Variants in ARID3A observed in about 807,000 individuals in gnomAD.
The protein encoded by ARID3A is AT-rich interaction domain 3A, also known as AT-rich interactive domain-containing protein 3A.
ARID3A carries 11 observed loss-of-function variants against 52.7 expected under a neutral mutation model. That is an observed-to-expected ratio of 0.21 (90% CI 0.13 to 0.35). The LOEUF is 0.35. ARID3A is among the 10% of genes least tolerant of loss of function. The pLI is 1.00. For missense variants in ARID3A, 721 were observed against 838.5 expected (o/e 0.86, Z 1.73); for synonymous variants, 404 against 359.4 (o/e 1.12, Z -1.40).
chr19:972,025 C>T lies in ARID3A; in HGVS notation c.1742C>T (p.Ser581Phe). 2 of 1,590,714 alleles carry T rather than the reference C, an allele frequency of 1.3e-6. No individual in the cohort carries two copies. The highest frequency in any genetic ancestry group is 1.7e-6 in the Non-Finnish European group (2 of 1,170,118). ...GGCCAGGCTGGGCCAGCGGGGCTGT[C>T]CACACCCTCCACATCTACCTCAAAT... is the stretch of plus-strand genomic sequence containing the variant. ...SGGQAGPAGLSTPSTSTSNNS... is the reference protein window; with the variant it reads ...SGGQAGPAGLFTPSTSTSNNS... Residue 581 changes from serine to phenylalanine, a missense_variant, in exon 9 of 9, where the codon TCC (serine) becomes TTC (phenylalanine). Ser to Phe is a radical substitution (Grantham distance 155). This residue lies in a region of ARID3A where 297 missense variants were observed against 343.2 expected (regional missense o/e 0.87). Transcript: ENST00000263620.
chr19:952,441 CAAAAAAA>C (rs10663796), intron 3 of ARID3A, among the ~76,000 whole-genome samples: 1,383 of 59,756 alleles, frequency 0.023, 32 homozygotes, highest in African/African-American at 0.08. Flanking sequence ...GACCCTGTCT[CAAAAAAA>C]AAAAAAAAAA....
chr19:956,217 C>T (rs1033770221), intron 3 of ARID3A, among the ~76,000 whole-genome samples: 5 of 152,204 alleles, frequency 3.3e-5, no homozygotes, highest in East Asian at 1.9e-4. Flanking sequence ...TACCTGCTGC[C>T]TCAGGCGTTT....
At chr19:966,967 GA>G (rs397783817) in intron 7 of ARID3A, 99 bp downstream of exon 7, 40 of 1,171,324 alleles carry the variant, frequency 3.4e-5, no homozygotes, top group Admixed American at 9.6e-5. Context: ...AAATCAATAA[GA>G]AAAAAAAAGC....
At chr19:953,326 G>T (rs748805642) in intron 3 of ARID3A, among the ~76,000 whole-genome samples, 1 of 152,140 alleles carries the variant, frequency 6.6e-6, no homozygotes, top group Non-Finnish European at 1.5e-5. Context: ...CAGGGCTGGG[G>T]GGTGGCGGTT....
At chr19:949,933 A>C (rs1369576127) in intron 3 of ARID3A, among the ~76,000 whole-genome samples, 1 of 152,250 alleles carries the variant, frequency 6.6e-6, no homozygotes, top group Non-Finnish European at 1.5e-5. Flanking sequence ...GGCCTCCCAA[A>C]GTGCTGGGAT....
At chr19:953,476 C>T (rs899347294) in intron 3 of ARID3A, among the ~76,000 whole-genome samples, 1 of 125,166 alleles carries the variant, frequency 8.0e-6, no homozygotes, top group East Asian at 2.2e-4. Flanking sequence ...GCCTCCCACA[C>T]CCCCCCCCGT....
chr19:938,709 G>A lies in ARID3A; in HGVS notation c.693+5967G>A, dbSNP rs907035196. On this transcript the variant is annotated intron_variant, in intron 3 of 8. Coordinates refer to ENST00000263620, the MANE Select transcript of ARID3A (RefSeq NM_005224.3). The surrounding 1 kb of genome is among the most constrained non-coding windows in gnomAD (Gnocchi z 4.0). ...CGTGTGTGGGCACTGGGGCAGGGAC[G>A]GCCACCAGCAGCCTCTCAGGCTCAA... is the stretch of plus-strand genomic sequence containing the variant. Among the ~76,000 whole-genome samples the A allele has an allele frequency of 6.6e-6, 1 of 152,126 alleles. No individual in the cohort carries two copies. Among genetic ancestry groups the A allele is most frequent in the African/African-American group, 2.4e-5 (1 of 41,416 alleles).
intron 3 of ARID3A, among the ~76,000 whole-genome samples, chr19:958,815 C>T (rs940338164): frequency 1.1e-4 from 16 of 152,182 alleles, no homozygotes; most frequent in African/African-American, 3.6e-4. Flanking sequence ...ATGGAGTGAA[C>T]CCGGGAGGCG....
Position 932,756 on chromosome 19 carries a change from T to G in ARID3A, c.693+14T>G, listed in dbSNP as rs1240498205. The G allele has an allele frequency of 6.5e-7, 1 of 1,546,444 alleles. No homozygotes were observed. Among genetic ancestry groups the G allele is most frequent in the East Asian group, 2.5e-5 (1 of 40,776 alleles). On this transcript the variant is annotated intron_variant, in intron 3 of 8. Transcript: ENST00000263620. ...CAGTTTAAGCAGGTGAGTGGGCGCG[T>G]CCCGCGTGGCGGCTGAGGCACCTGC...
chr19:927,740 C>A (rs1414163135), intron 1 of ARID3A, among the ~76,000 whole-genome samples: 2 of 152,118 alleles, frequency 1.3e-5, no homozygotes, highest in South Asian at 2.1e-4. Context: ...CTGGGTGCCG[C>A]CCTGGTGGCC....
intron 2 of ARID3A, among the ~76,000 whole-genome samples, chr19:932,153 C>T (rs756343960): frequency 4.6e-5 from 7 of 152,202 alleles, no homozygotes; most frequent in Admixed American, 1.3e-4. Flanking sequence ...TGTGCGCCAC[C>T]GTGGCTGCCT....
chr19:929,788 G>C lies in ARID3A; in HGVS notation c.260G>C (p.Gly87Ala). Residue 87 changes from glycine (G) to alanine (A), a missense_variant, in exon 2 of 9, where the codon GGC becomes GCC. Physicochemically the swap from Gly to Ala is moderately conservative, Grantham distance 60 (BLOSUM62 0). Transcript: ENST00000263620. This position sits in a 1 kb window ranked among gnomAD's most constrained non-coding sequence, Gnocchi z 6.2. ...SPGGSEDGPP[G>A]SEEEDAAREG... ...GGCGGCTCTGAGGATGGGCCCCCAG[G>C]CTCGGAGGAGGAGGACGCGGCCCGG... 1 of 1,549,526 alleles carries C rather than the reference G, an allele frequency of 6.5e-7. No homozygotes were observed. Among genetic ancestry groups the C allele is most frequent in the African/African-American group, 1.4e-5 (1 of 73,692 alleles).
chr19:927,507 G>C (rs1188607713), intron 1 of ARID3A, among the ~76,000 whole-genome samples: 1 of 152,010 alleles, frequency 6.6e-6, no homozygotes, highest in Admixed American at 6.5e-5. Flanking sequence ...GCAGGGCTCG[G>C]AGCGGGCTGG....
intron 3 of ARID3A, among the ~76,000 whole-genome samples, chr19:958,455 AAAAG>A (rs1285282541): frequency 6.6e-6 from 1 of 151,806 alleles, no homozygotes; most frequent in African/African-American, 2.4e-5. Context: ...AGAAGAAAGA[AAAAG>A]AAAAGAAGAG....
In ARID3A at chr19:972,068, G is replaced by T. The variant is rs372795322; in HGVS notation, c.*3G>T. On this transcript the variant is annotated 3_prime_UTR_variant, in exon 9 of 9. Transcript: ENST00000263620. ...CCTCAAATAACTCGTTGCCTTAACC[G>T]CATCACTCCCCACCCGCCACCCACC... 36 of 1,527,428 alleles carry T rather than the reference G, an allele frequency of 2.4e-5. No individual in the cohort carries two copies. Among genetic ancestry groups the T allele is most frequent in the African/African-American group, 2.8e-5 (2 of 70,226 alleles). The allele number at this position is 1,527,428 out of a possible 1,614,324, so 94.6% of individuals were successfully genotyped here. A position where few individuals can be genotyped will look rare whatever the true frequency, so the allele number is the denominator to read the frequency against.
rs1026876514 is a variant in ARID3A, at chr19:975,560, GTGGGAACCACGCC to G, written c.*3498_*3510del. ...GTTTCTCTGGAGTTTGTCAGACGGCGTGGGAACCACGCCTGAAACTCAGGTAATAGGAGGAAAA... is the reference window on the plus strand; with the variant it reads ...GTTTCTCTGGAGTTTGTCAGACGGCGTGAAACTCAGGTAATAGGAGGAAAA... On this transcript the variant is annotated 3_prime_UTR_variant, in exon 9 of 9. Transcript: ENST00000263620. The G allele has an allele frequency of 4.7e-6, 1 of 211,708 alleles. No individual in the cohort carries two copies. Among genetic ancestry groups the G allele is most frequent in the Non-Finnish European group, 9.5e-6 (1 of 104,972 alleles). 13.1% of individuals were successfully genotyped at this position (211,708 alleles called of 1,614,324 possible).
intron 3 of ARID3A, among the ~76,000 whole-genome samples, chr19:935,825 C>T (rs1279855192): frequency 6.6e-6 from 1 of 152,094 alleles, no homozygotes; most frequent in Non-Finnish European, 1.5e-5. Flanking sequence ...GAGTCTCGCT[C>T]TGTCGCCCAG....
Position 964,559 on chromosome 19 carries a change from C to A in ARID3A, c.950+128C>A. 7.8e-7 allele frequency: 1 copy of A among 1,289,352 alleles called. No homozygotes were observed. The highest frequency in any genetic ancestry group is 1.0e-6 in the Non-Finnish European group (1 of 957,690). 79.9% of individuals were successfully genotyped at this position (1,289,352 alleles called of 1,614,324 possible). On this transcript the variant is annotated intron_variant, in intron 5 of 8. Transcript: ENST00000263620. This position sits in a 1 kb window ranked among gnomAD's most constrained non-coding sequence, Gnocchi z 5.7. ...GGGGGCAGTGGGCAGCCGCAAAGGG[C>A]ACAGGGCCACACCGTGCGTCCAGGG... is the stretch of plus-strand genomic sequence containing the variant.
At chr19:927,943 G>T (rs2037235612) in intron 1 of ARID3A, among the ~76,000 whole-genome samples, 2 of 152,064 alleles carry the variant, frequency 1.3e-5, no homozygotes, top group African/African-American at 4.8e-5. Flanking sequence ...CAGGGGTCTG[G>T]GTAAAGGGTG....
Sources: gnomAD v4.1 joint callset for allele counts (sites outside exome capture counted in the v4.1 genomes callset) on GRCh38, gnomAD v4.1.1 for gene constraint, gnomAD v4.1.1 regional missense constraint, Gnocchi (gnomAD v3.1) non-coding constraint, MANE v1.5 for transcripts, NCBI Gene and HGNC (gene_info 2026-07-23, HGNC 2026-07-21) for gene names.